GULP1: variants seen among roughly 807,000 people sequenced by gnomAD.
GULP1 encodes GULP PTB domain containing engulfment adaptor 1, also known as PTB domain-containing engulfment adapter protein 1.
A neutral mutation model predicts 40.9 loss-of-function variants in GULP1; 19 were observed. The ratio of observed to expected loss-of-function variants is 0.46; its 90% CI spans 0.32 to 0.68. The LOEUF is 0.68. Among genes scored for constraint, GULP1 ranks in the 30% least tolerant of loss-of-function variants. The pLI is 0.03. For synonymous variants in GULP1, 119 were observed against 117.6 expected (o/e 1.01, Z -0.08); for missense variants, 312 against 362.2 (o/e 0.86, Z 1.12).
intron 2 of GULP1, among the ~76,000 whole-genome samples, chr2:188,471,937 T>C (rs1277210106): frequency 6.6e-6 from 1 of 152,230 alleles, no homozygotes; most frequent in Non-Finnish European, 1.5e-5. Flanking sequence ...CTTTAGCATC[T>C]ATTCTAGGAC....
chr2:188,416,549 A>G (rs998010583), intron 2 of GULP1, among the ~76,000 whole-genome samples: 5 of 152,158 alleles, frequency 3.3e-5, no homozygotes, highest in Non-Finnish European at 7.3e-5. Flanking sequence ...TCAGGACTCA[A>G]TTGCTATGTT....
intron 1 of GULP1, among the ~76,000 whole-genome samples, chr2:188,337,086 GTATCTATATCTA>G (rs71020747): frequency 0.52 from 75,204 of 145,350 alleles, 20,480 homozygotes; most frequent in East Asian, 0.85. Flanking sequence ...AAATATATCT[GTATCTATATCTA>G]TATCTATATC....
chr2:188,533,250 G>C (rs185490625), intron 6 of GULP1, among the ~76,000 whole-genome samples: 3 of 152,186 alleles, frequency 2.0e-5, no homozygotes, highest in Admixed American at 2.0e-4. Context: ...AAAGTGAATA[G>C]GGTCAAAAAT....
At chr2:188,377,175 A>C (rs1260514085) in intron 1 of GULP1, among the ~76,000 whole-genome samples, 3 of 152,128 alleles carry the variant, frequency 2.0e-5, no homozygotes, top group Non-Finnish European at 4.4e-5. Context: ...CCATCTCAAA[A>C]AAAAAAAAAG....
intron 2 of GULP1, among the ~76,000 whole-genome samples, chr2:188,425,340 T>C (rs1256788355): frequency 2.0e-5 from 3 of 152,020 alleles, no homozygotes; most frequent in Non-Finnish European, 4.4e-5. Context: ...TTGCAGTTTA[T>C]TATTCTAATC....
At position 188,499,244 on chromosome 2, in the gene GULP1, T is replaced by G. The variant is rs1272017059; in HGVS notation, c.90+15752T>G. On this transcript the variant is annotated intron_variant, in intron 4 of 11. Coordinates refer to ENST00000409830, the MANE Select transcript of GULP1 (RefSeq NM_016315.4). ...ACTTTTAAATCTAGCTGTCTTCATG[T>G]TGACAAAGCATCTTTCACATAAGCA... Among the ~76,000 whole-genome samples the G allele has an allele frequency of 2.7e-5, 4 of 149,728 alleles. No homozygotes were observed. In the East Asian group the frequency reaches 7.8e-4, roughly 29 times the overall value.
intron 2 of GULP1, among the ~76,000 whole-genome samples, chr2:188,476,572 GA>G (rs964912194): frequency 2.0e-5 from 3 of 151,904 alleles, no homozygotes; most frequent in African/African-American, 4.8e-5. Flanking sequence ...TTCTAAAAAT[GA>G]AAAAAATGCA....
intron 2 of GULP1, among the ~76,000 whole-genome samples, chr2:188,400,234 C>A (rs904575278): frequency 2.0e-5 from 3 of 152,112 alleles, no homozygotes; most frequent in African/African-American, 7.2e-5. Context: ...ACCTTCTTCC[C>A]TGTGTTTCTC....
chr2:188,347,376 C>T (rs546235654), intron 1 of GULP1, among the ~76,000 whole-genome samples: 1 of 152,230 alleles, frequency 6.6e-6, no homozygotes, highest in African/African-American at 2.4e-5. Flanking sequence ...TTTAGGGTTT[C>T]CACACATGAG....
intron 1 of GULP1, among the ~76,000 whole-genome samples, chr2:188,351,948 G>A (rs941322558): frequency 2.0e-5 from 3 of 152,090 alleles, no homozygotes; most frequent in African/African-American, 7.2e-5. Context: ...TACTAGCTAA[G>A]TTTCTCTTAA....
intron 1 of GULP1, among the ~76,000 whole-genome samples, chr2:188,372,102 G>A (rs2047676951): frequency 6.6e-6 from 1 of 152,024 alleles, no homozygotes; most frequent in Non-Finnish European, 1.5e-5. Flanking sequence ...ACACAGAGAG[G>A]ATGTGCCTCT....
At chr2:188,369,686 A>G (rs1048019103) in intron 1 of GULP1, among the ~76,000 whole-genome samples, 2 of 152,086 alleles carry the variant, frequency 1.3e-5, no homozygotes, top group African/African-American at 4.8e-5. Context: ...CTTATCACTT[A>G]TACTTATTAT....
Position 188,495,423 on chromosome 2 carries a change from G to T in GULP1, c.90+11931G>T, listed in dbSNP as rs539560369. ...AGAAAGTGAAGTCCTCCACTGCGTT[G>T]TCAAGGCCACCAGGAGAAGTGGATA... is the stretch of plus-strand genomic sequence containing the variant. On this transcript the variant is annotated intron_variant, in intron 4 of 11. Coordinates refer to ENST00000409830, the MANE Select transcript of GULP1 (RefSeq NM_016315.4). Among the ~76,000 whole-genome samples the T allele has an allele frequency of 1.3e-5, 2 of 152,054 alleles. 1 individual carries two copies. The highest frequency in any genetic ancestry group is 6.3e-3 in the Middle Eastern group (2 of 316).
chr2:188,321,014 A>G (rs1365748799), intron 1 of GULP1, among the ~76,000 whole-genome samples: 1 of 151,928 alleles, frequency 6.6e-6, no homozygotes, highest in East Asian at 1.9e-4. Context: ...TCTAGACTTA[A>G]TGGTCTTATT....
intron 7 of GULP1, among the ~76,000 whole-genome samples, chr2:188,560,689 A>C (rs1328143570): frequency 1.3e-5 from 2 of 152,096 alleles, no homozygotes; most frequent in Non-Finnish European, 2.9e-5. Context: ...TACAGGCTGT[A>C]CAGGAAGCAT....
At chr2:188,308,326 G>T (rs556989966) in intron 1 of GULP1, among the ~76,000 whole-genome samples, 6 of 152,192 alleles carry the variant, frequency 3.9e-5, no homozygotes, top group Admixed American at 3.3e-4. Flanking sequence ...ATTCTGTTTT[G>T]TAAATGTACA....
At chr2:188,561,029 T>A (rs935569325) in intron 7 of GULP1, among the ~76,000 whole-genome samples, 1 of 152,210 alleles carries the variant, frequency 6.6e-6, no homozygotes, top group South Asian at 2.1e-4. Flanking sequence ...GTCCAAACCA[T>A]ATCAGCTATA....
chr2:188,328,293 GT>G (rs1050437619), intron 1 of GULP1, among the ~76,000 whole-genome samples: 27 of 152,012 alleles, frequency 1.8e-4, no homozygotes, highest in African/African-American at 6.5e-4. Flanking sequence ...TCTCAACCTT[GT>G]TTATTCCCAT....
At chr2:188,543,573 T>C (rs1030703672) in intron 7 of GULP1, among the ~76,000 whole-genome samples, 3 of 152,226 alleles carry the variant, frequency 2.0e-5, no homozygotes, top group African/African-American at 4.8e-5. Flanking sequence ...TGCCATCTTA[T>C]GTAATTCTCA....
Sources: gnomAD v4.1 joint callset for allele counts (sites outside exome capture counted in the v4.1 genomes callset) on GRCh38, gnomAD v4.1.1 for gene constraint, MANE v1.5 for transcripts, NCBI Gene and HGNC (gene_info 2026-07-23, HGNC 2026-07-21) for gene names.